The following ESRRB variants were observed in gnomAD, a reference collection of about 807,000 sequenced individuals.
ESRRB encodes the protein estrogen related receptor beta.
A neutral mutation model predicts 46.0 loss-of-function variants in ESRRB; 16 were observed. The ratio of observed to expected loss-of-function variants is 0.35; its 90% CI spans 0.24 to 0.53. The LOEUF (loss-of-function observed/expected upper bound fraction) is 0.53. Among genes scored for constraint, ESRRB ranks in the 20% least tolerant of loss-of-function variants. The pLI, the probability that ESRRB is intolerant of heterozygous loss-of-function variation, is 0.93. For missense variants in ESRRB, 488 were observed against 607.4 expected (o/e 0.80, Z 2.07); for synonymous variants, 246 against 259.6 (o/e 0.95, Z 0.50).
chr14:76,412,948 T>G (rs925796509), intron 1 of ESRRB, among the ~76,000 whole-genome samples: 4 of 152,152 alleles, frequency 2.6e-5, no homozygotes, highest in Non-Finnish European at 5.9e-5. Flanking sequence ...AGACCCTATC[T>G]CTACAATAAA....
In ESRRB at chr14:76,332,631, TA is replaced by T. The variant is rs11334929; in HGVS notation, c.2+21716del. Among the ~76,000 whole-genome samples the T allele has an allele frequency of 7.6e-5, 3 of 39,518 alleles. 1 individual carries two copies. The highest frequency in any genetic ancestry group is 4.1e-4 in the African/African-American group (3 of 7,234). The allele number at this position is 39,518 out of a possible 152,430, so 25.9% of individuals were successfully genotyped here. ...ATTTATATATTATATAAATATATAT[TA>T]TATATATTTATATATTATATAAATA... On this transcript the variant is annotated intron_variant, in intron 1 of 6. Transcript: ENST00000512784.
At chr14:76,462,813 A>T (rs1384006114) in intron 3 of ESRRB, 152 bp downstream of exon 3, 13 of 738,056 alleles carry the variant, frequency 1.8e-5, no homozygotes, top group Non-Finnish European at 2.5e-5. Context: ...CCAGCCTGCC[A>T]CGGCGCCCGC....
chr14:76,497,084 G>A (rs559720567), intron 6 of ESRRB, among the ~76,000 whole-genome samples: 5 of 152,134 alleles, frequency 3.3e-5, no homozygotes, highest in Non-Finnish European at 7.4e-5. Flanking sequence ...GCGGGGAGAG[G>A]GAGCTGGCAG....
chr14:76,473,994 G>T (rs560703039), intron 3 of ESRRB, among the ~76,000 whole-genome samples: 101 of 152,368 alleles, frequency 6.6e-4, no homozygotes, highest in South Asian at 1.4e-3. Flanking sequence ...TGACGAGGCC[G>T]GTGGAGGTGG....
chr14:76,447,492 G>A (rs549297558), intron 2 of ESRRB, among the ~76,000 whole-genome samples: 1 of 151,996 alleles, frequency 6.6e-6, no homozygotes, highest in South Asian at 2.1e-4. Flanking sequence ...AATTCCATAG[G>A]TCTTGCTGTC....
chr14:76,327,195 C>G (rs1436095219), intron 1 of ESRRB, among the ~76,000 whole-genome samples: 3 of 152,230 alleles, frequency 2.0e-5, no homozygotes, highest in African/African-American at 7.2e-5. Context: ...CCTGGTGTCT[C>G]TTGCATATGC....
chr14:76,355,180 C>T (rs959952649), intron 1 of ESRRB, among the ~76,000 whole-genome samples: 3 of 152,150 alleles, frequency 2.0e-5, no homozygotes, highest in African/African-American at 7.2e-5. Flanking sequence ...GGCCAGGTGG[C>T]CAGAGGCGGT....
intron 1 of ESRRB, among the ~76,000 whole-genome samples, chr14:76,380,205 C>A (rs761018988): frequency 9.9e-5 from 15 of 152,156 alleles, no homozygotes; most frequent in Non-Finnish European, 1.6e-4. Context: ...CTGCTGAATG[C>A]CTTGTTTCTT....
chr14:76,378,493 C>T (rs904274334), intron 1 of ESRRB, among the ~76,000 whole-genome samples: 1 of 151,032 alleles, frequency 6.6e-6, no homozygotes, highest in South Asian at 2.1e-4. Flanking sequence ...CAACCCTTTC[C>T]GGTTTTTTTT....
At chr14:76,443,607 T>C (rs1325751998) in intron 2 of ESRRB, among the ~76,000 whole-genome samples, 1 of 152,216 alleles carries the variant, frequency 6.6e-6, no homozygotes, top group African/African-American at 2.4e-5. Context: ...CTCTTTGAGG[T>C]CAGTTTTTGA....
upstream of ESRRB, among the ~76,000 whole-genome samples, chr14:76,367,729 AAG>A (rs1437831201): frequency 1.3e-5 from 2 of 152,096 alleles, no homozygotes; most frequent in Non-Finnish European, 2.9e-5. Context: ...GAAGCTGACT[AAG>A]AGAGACAAAA....
chr14:76,384,840 C>T (rs1040256600), intron 1 of ESRRB, among the ~76,000 whole-genome samples: 2 of 152,128 alleles, frequency 1.3e-5, no homozygotes, highest in African/African-American at 4.8e-5. Context: ...CCCTTGATCG[C>T]CTTCTTGGCC....
At chr14:76,382,253 T>A (rs1373929800) in intron 1 of ESRRB, among the ~76,000 whole-genome samples, 1 of 152,232 alleles carries the variant, frequency 6.6e-6, no homozygotes, top group African/African-American at 2.4e-5. Context: ...TGCTGACTGC[T>A]ATACCCCTTG....
intron 1 of ESRRB, among the ~76,000 whole-genome samples, chr14:76,346,517 G>A (rs1195979805): frequency 6.6e-6 from 1 of 152,228 alleles, no homozygotes; most frequent in Non-Finnish European, 1.5e-5. Context: ...GTCTGCTGGA[G>A]GGACTCCCCT....
rs577466273 is a variant in ESRRB at position 76,475,123 on chromosome 14, A to G, written c.578-6893A>G. 3.3e-5 allele frequency among the ~76,000 whole-genome samples: 5 copies of G among 152,178 alleles called. No individual in the cohort carries two copies. In the South Asian group the frequency reaches 1.0e-3, roughly 32 times the overall value. On this transcript the variant is annotated intron_variant, in intron 3 of 6. Transcript: ENST00000644823. ...ATGGCATGTGCCTATGGTCCCAGCT[A>G]CGTGGGAGGCTGAGGTGGAAAGATC...
In ESRRB at chr14:76,498,880, A is replaced by T; in HGVS notation, c.*422A>T. The T allele has an allele frequency of 1.9e-6, 1 of 538,254 alleles. No homozygotes were observed. Among genetic ancestry groups the T allele is most frequent in the South Asian group, 1.4e-5 (1 of 71,458 alleles). 33.3% of individuals were successfully genotyped at this position (538,254 alleles called of 1,614,324 possible). On this transcript the variant is annotated 3_prime_UTR_variant, in exon 7 of 7. Coordinates refer to ENST00000644823, the MANE Select transcript of ESRRB (RefSeq NM_001379180.1). The stretch of plus-strand genomic sequence containing the variant: ...TGGGTGGGCACTGCTCAGGCTGGAT[A>T]CCACCTGGAGGTTTTCCTTCCGCAG...
intron 1 of ESRRB, among the ~76,000 whole-genome samples, chr14:76,431,581 C>A (rs1887448098): frequency 6.6e-6 from 1 of 152,056 alleles, no homozygotes; most frequent in South Asian, 2.1e-4. Context: ...AGGCCCAGGG[C>A]AGAGATGAGT....
intron 2 of ESRRB, among the ~76,000 whole-genome samples, chr14:76,456,038 G>GCACACA (rs60824171): frequency 0.033 from 4,493 of 137,200 alleles, 102 homozygotes; most frequent in African/African-American, 0.051. Flanking sequence ...AGCGAAACTC[G>GCACACA]CACACACACA....
chr14:76,477,972 C>G (rs1889647232), intron 3 of ESRRB, among the ~76,000 whole-genome samples: 1 of 152,176 alleles, frequency 6.6e-6, no homozygotes, highest in East Asian at 1.9e-4. Flanking sequence ...TAGCACCTGC[C>G]TTATATTTTT....
Sources: gnomAD v4.1 joint callset for allele counts (sites outside exome capture counted in the v4.1 genomes callset) on GRCh38, gnomAD v4.1.1 for gene constraint, MANE v1.5 for transcripts, NCBI Gene and HGNC (gene_info 2026-07-23, HGNC 2026-07-21) for gene names.